Variants in C10orf90 observed in about 807,000 individuals in gnomAD.
C10orf90 encodes the protein chromosome 10 open reading frame 90.
In C10orf90, 56 loss-of-function variants were observed where a neutral mutation model predicts 62.5. That is an observed-to-expected ratio of 0.90 (90% CI 0.72 to 1.12). The LOEUF (loss-of-function observed/expected upper bound fraction) is 1.12. C10orf90 is among the 50% of genes most tolerant of loss of function. The probability of loss-of-function intolerance (pLI) is 0.00; values close to 1 mark genes in which losing one functional copy is unlikely to be tolerated. For missense variants in C10orf90, 970 were observed against 880.4 expected (o/e 1.10, Z -1.29); for synonymous variants, 386 against 340.4 (o/e 1.13, Z -1.47).
intron 2 of C10orf90, among the ~76,000 whole-genome samples, chr10:126,565,374 TA>T (rs1376549379): frequency 0.018 from 713 of 39,062 alleles, 20 homozygotes; most frequent in African/African-American, 0.054. Context: ...TTATTTTATA[TA>T]ATAATATATA....
At chr10:126,514,810 C>A (rs1480325116) in intron 2 of C10orf90, among the ~76,000 whole-genome samples, 1 of 151,780 alleles carries the variant, frequency 6.6e-6, no homozygotes, top group Non-Finnish European at 1.5e-5. Flanking sequence ...CTAAAAGTGA[C>A]CTTTGTCAGG....
chr10:126,518,924 C>T (rs530516026), intron 2 of C10orf90, among the ~76,000 whole-genome samples: 2 of 152,268 alleles, frequency 1.3e-5, no homozygotes, highest in African/African-American at 4.8e-5. Context: ...GTTTCAGCAA[C>T]AGAATCCAAC....
intron 2 of C10orf90, among the ~76,000 whole-genome samples, chr10:126,554,297 A>G (rs977077937): frequency 2.0e-5 from 3 of 152,184 alleles, no homozygotes; most frequent in Admixed American, 1.3e-4. Flanking sequence ...GACCATTTCC[A>G]TCAAGTTCAA....
intron 8 of C10orf90, among the ~76,000 whole-genome samples, chr10:126,429,520 G>T (rs1857449558): frequency 1.3e-5 from 2 of 152,166 alleles, no homozygotes; most frequent in South Asian, 4.1e-4. Context: ...TCAGAGTCTG[G>T]GAATCTCTTA....
At chr10:126,527,071 T>C (rs1471709279) in intron 2 of C10orf90, among the ~76,000 whole-genome samples, 1 of 149,378 alleles carries the variant, frequency 6.7e-6, no homozygotes, top group African/African-American at 2.5e-5. Flanking sequence ...TTCTTATACA[T>C]AACCTAGGAG....
intron 2 of C10orf90, among the ~76,000 whole-genome samples, chr10:126,574,657 G>T (rs946827084): frequency 2.0e-5 from 3 of 151,772 alleles, no homozygotes; most frequent in African/African-American, 7.3e-5. Context: ...GAGAAAAGAG[G>T]AAAGTAACAC....
chr10:126,442,631 GTGTATATATATATA>G (rs1858450409), intron 7 of C10orf90, among the ~76,000 whole-genome samples: 1 of 91,890 alleles, frequency 1.1e-5, no homozygotes, highest in African/African-American at 4.7e-5. Flanking sequence ...TATTGTGTGT[GTGTATATATATATA>G]TATATATATA....
intron 2 of C10orf90, among the ~76,000 whole-genome samples, chr10:126,612,867 A>G (rs753087001): frequency 6.6e-6 from 1 of 152,186 alleles, no homozygotes; most frequent in Non-Finnish European, 1.5e-5. Flanking sequence ...CGGCCAATTA[A>G]TACTTTTCAG....
intron 2 of C10orf90, among the ~76,000 whole-genome samples, chr10:126,580,048 C>T (rs1844713629): frequency 6.6e-6 from 1 of 152,220 alleles, no homozygotes; most frequent in Non-Finnish European, 1.5e-5. Context: ...GAACTCACCT[C>T]TCCTGGGCCA....
chr10:126,611,108 A>G (rs1845423406), intron 2 of C10orf90, among the ~76,000 whole-genome samples: 2 of 152,144 alleles, frequency 1.3e-5, no homozygotes, highest in African/African-American at 2.4e-5. Context: ...TCATCACCCC[A>G]GAAAGAAATC....
At chr10:126,626,013 C>T (rs931256066) in intron 2 of C10orf90, among the ~76,000 whole-genome samples, 3 of 151,858 alleles carry the variant, frequency 2.0e-5, no homozygotes, top group Non-Finnish European at 4.4e-5. Flanking sequence ...CCTGTAATCC[C>T]AGCTACTTGG....
At chr10:126,643,569 A>T (rs1591169203) in intron 2 of C10orf90, among the ~76,000 whole-genome samples, 4 of 152,320 alleles carry the variant, frequency 2.6e-5, no homozygotes, top group Admixed American at 2.6e-4. Flanking sequence ...TGGTCGGGTC[A>T]GCATGGCGCC....
At position 126,603,506 on chromosome 10, in the gene C10orf90, C is replaced by A. The variant is rs72839063; in HGVS notation, c.313+43059G>T. Among the ~76,000 whole-genome samples the A allele has an allele frequency of 3.3e-5, 5 of 152,144 alleles. No individual in the cohort carries two copies. The East Asian group carries it at 7.7e-4, about 24-fold the overall frequency. ...TGGTGGGGACACAGCCAAACCATATCATCATGCATGTCATCCGATGTTGTG... is the reference window on the plus strand; with the variant it reads ...TGGTGGGGACACAGCCAAACCATATAATCATGCATGTCATCCGATGTTGTG... On this transcript the variant is annotated intron_variant, in intron 2 of 9. Coordinates refer to ENST00000488181, the MANE Select transcript of C10orf90 (RefSeq NM_001350921.2).
chr10:126,518,378 C>G (rs1394053748), intron 2 of C10orf90, among the ~76,000 whole-genome samples: 1 of 152,156 alleles, frequency 6.6e-6, no homozygotes, highest in Non-Finnish European at 1.5e-5. Flanking sequence ...TGATCTAAGA[C>G]AGCTTAAGAC....
chr10:126,654,800 G>C, intron 1 of C10orf90, among the ~76,000 whole-genome samples: 1 of 152,156 alleles, frequency 6.6e-6, no homozygotes, highest in East Asian at 1.9e-4. Context: ...TAAAGCAAGA[G>C]ATGTGAACAC....
intron 2 of C10orf90, among the ~76,000 whole-genome samples, chr10:126,561,927 A>C (rs1864910520): frequency 6.6e-6 from 1 of 152,186 alleles, no homozygotes; most frequent in South Asian, 2.1e-4. Context: ...AGAGATGCAA[A>C]AGCTATGACC....
intron 2 of C10orf90, among the ~76,000 whole-genome samples, chr10:126,569,856 C>A (rs1181400125): frequency 1.3e-5 from 2 of 152,112 alleles, no homozygotes; most frequent in Admixed American, 6.6e-5. Flanking sequence ...CCCCAAAACT[C>A]CTAAAGTGTT....
intron 1 of C10orf90, among the ~76,000 whole-genome samples, chr10:126,667,042 AT>A (rs200375180): frequency 3.5e-5 from 5 of 144,026 alleles, no homozygotes; most frequent in South Asian, 2.2e-4. Context: ...GCTAAACCCA[AT>A]TTTTTTTTGT....
intron 2 of C10orf90, among the ~76,000 whole-genome samples, chr10:126,585,556 A>C (rs1400741487): frequency 6.6e-6 from 1 of 151,880 alleles, no homozygotes; most frequent in Admixed American, 6.6e-5. Context: ...AAAGGGTGGG[A>C]GAGCAGGAGA....
Sources: gnomAD v4.1 joint callset for allele counts (sites outside exome capture counted in the v4.1 genomes callset) on GRCh38, gnomAD v4.1.1 for gene constraint, MANE v1.5 for transcripts, NCBI Gene and HGNC (gene_info 2026-07-23, HGNC 2026-07-21) for gene names.